Variants in STAT5B observed in about 807,000 individuals in gnomAD.
The protein encoded by STAT5B is signal transducer and activator of transcription 5B, also known as transcription factor STAT5B.
Under a neutral mutation model 107.8 loss-of-function variants are expected in STAT5B, and 21 were observed. The observed-to-expected ratio is 0.19, with a 90% CI of 0.14 to 0.28. STAT5B has a LOEUF of 0.28. STAT5B is among the 10% of genes least tolerant of loss of function. The probability of loss-of-function intolerance (pLI) is 1.00; values close to 1 mark genes in which losing one functional copy is unlikely to be tolerated. For missense variants in STAT5B, 565 were observed against 1,008.2 expected (o/e 0.56, Z 5.95); for synonymous variants, 325 against 401.7 (o/e 0.81, Z 2.28).
At chr17:42,267,255 T>TA (rs1245508848) in intron 1 of STAT5B, among the ~76,000 whole-genome samples, 1 of 152,220 alleles carries the variant, frequency 6.6e-6, no homozygotes, top group African/African-American at 2.4e-5. Flanking sequence ...CCATACTTTT[T>TA]ATCGTTATTT....
intron 1 of STAT5B, among the ~76,000 whole-genome samples, chr17:42,248,043 C>T (rs1044319443): frequency 4.6e-5 from 7 of 151,538 alleles, no homozygotes; most frequent in Admixed American, 2.0e-4. Flanking sequence ...TCTGGGAGGC[C>T]GAGATGGGAA....
At chr17:42,277,819 G>A (rs1479131807), upstream of STAT5B, among the ~76,000 whole-genome samples, 2 of 150,188 alleles carry the variant, frequency 1.3e-5, no homozygotes, top group Non-Finnish European at 1.5e-5. Flanking sequence ...GAAATGGTGC[G>A]GTCTCAGCTC....
chr17:42,276,581 C>T (rs2080769100), upstream of STAT5B: 1 of 151,606 alleles, frequency 6.6e-6, no homozygotes, highest in Admixed American at 6.6e-5. The surrounding 1 kb of genome is among the most constrained non-coding windows in gnomAD (Gnocchi z 4.8). Flanking sequence ...TCGGCACACC[C>T]GAGGTGGCGG....
chr17:42,216,871 GT>G (rs1403092271), intron 11 of STAT5B, among the ~76,000 whole-genome samples: 1 of 151,912 alleles, frequency 6.6e-6, no homozygotes, highest in Non-Finnish European at 1.5e-5. Flanking sequence ...TAGAGATGGG[GT>G]TTCACTGTGT....
chr17:42,210,347 T>C (rs368084521), intron 14 of STAT5B, 46 bp from the exon 15 acceptor site: 4 of 1,614,088 alleles, frequency 2.5e-6, no homozygotes, highest in South Asian at 2.2e-5. Flanking sequence ...TGACTTACGA[T>C]GCCAGAGAGA....
intron 1 of STAT5B, among the ~76,000 whole-genome samples, chr17:42,265,377 C>CTTCTTTTTTTTTTTTTTTTTTTTTTTTT (rs2080659931): frequency 2.7e-5 from 3 of 110,596 alleles, no homozygotes; most frequent in Non-Finnish European, 1.9e-5. Context: ...ATGTACTCTT[C>CTTCTTTTTTTTTTTTTTTTTTTTTTTTT]TTTTTTTTTT....
At chr17:42,274,649 A>C (rs2080750327) in intron 1 of STAT5B, among the ~76,000 whole-genome samples, 1 of 152,198 alleles carries the variant, frequency 6.6e-6, no homozygotes. Context: ...TCCAATATTT[A>C]CAGTGTTACA....
intron 1 of STAT5B, among the ~76,000 whole-genome samples, chr17:42,262,892 G>GTGTGTATATATA (rs1163550411): frequency 8.8e-6 from 1 of 113,924 alleles, no homozygotes; most frequent in Non-Finnish European, 1.8e-5. Context: ...ACATATATAT[G>GTGTGTATATATA]TGTGTATATA....
At chr17:42,248,101 A>T (rs1054862182) in intron 1 of STAT5B, among the ~76,000 whole-genome samples, 1 of 151,010 alleles carries the variant, frequency 6.6e-6, no homozygotes, top group Non-Finnish European at 1.5e-5. Flanking sequence ...ACATAGTGAG[A>T]CTCCATCTCT....
At chr17:42,225,243 T>C (rs889166383) in intron 3 of STAT5B, among the ~76,000 whole-genome samples, 14 of 151,994 alleles carry the variant, frequency 9.2e-5, no homozygotes, top group African/African-American at 3.4e-4. Context: ...TTAGTAGAGA[T>C]GGGGTTCCAC....
chr17:42,242,599 A>T (rs1598322628), intron 1 of STAT5B, among the ~76,000 whole-genome samples: 3 of 132,198 alleles, frequency 2.3e-5, no homozygotes, highest in Non-Finnish European at 4.9e-5. Context: ...CAATGATCCC[A>T]CCCCCCACCC....
chr17:42,281,288 G>A (rs148753666), upstream of STAT5B, among the ~76,000 whole-genome samples: 25 of 152,164 alleles, frequency 1.6e-4, no homozygotes, highest in East Asian at 3.9e-3. Context: ...GAATCCTTCC[G>A]TGCATTTAAA....
intron 1 of STAT5B, among the ~76,000 whole-genome samples, chr17:42,252,642 C>A (rs2144363927): frequency 6.6e-6 from 1 of 152,242 alleles, no homozygotes; most frequent in Middle Eastern, 3.4e-3. Context: ...TAATCTGAAT[C>A]CTTATTACAG....
At chr17:42,214,874 C>T (rs368387049) in intron 12 of STAT5B, among the ~76,000 whole-genome samples, 6 of 152,264 alleles carry the variant, frequency 3.9e-5, no homozygotes, top group East Asian at 1.9e-4. Context: ...CTCAGCCCCC[C>T]CCAAGTAGCT....
chr17:42,212,130 T>G lies in STAT5B; in HGVS notation c.1534A>C (p.Asn512His). 1 of 1,614,166 alleles carries G rather than the reference T, an allele frequency of 6.2e-7. No individual in the cohort carries two copies. The highest frequency in any genetic ancestry group is 8.5e-7 in the Non-Finnish European group (1 of 1,180,018). ...VLWPQLCEALNMKFKAEVQSN... is the reference protein window; with the variant it reads ...VLWPQLCEALHMKFKAEVQSN... Reference sequence around the variant, plus strand: ...TGCACTTCGGCCTTGAATTTCATGTTGAGCGCCTCACACAGCTGTGGCCAC... The same window carrying G: ...TGCACTTCGGCCTTGAATTTCATGTGGAGCGCCTCACACAGCTGTGGCCAC... The change falls in exon 13 of 19, where the codon AAC (asparagine) becomes CAC (histidine). Residue 512 changes from asparagine (N) to histidine (H), a missense_variant. Asn to His is a moderately conservative substitution (Grantham distance 68, BLOSUM62 1). This residue lies in a region of STAT5B where 127 missense variants were observed against 215.8 expected (regional missense o/e 0.59). Transcript: ENST00000293328.
At chr17:42,244,342 C>T (rs987799341) in intron 1 of STAT5B, among the ~76,000 whole-genome samples, 4 of 151,254 alleles carry the variant, frequency 2.6e-5, no homozygotes, top group African/African-American at 9.7e-5. Context: ...CCTCTTACCT[C>T]GGCCTCCCAA....
Position 42,204,435 on chromosome 17 carries a change from T to C in STAT5B, c.2078-1627A>G, listed in dbSNP as rs376204788. ...ATTATAGGACAAGGAGCTTGTCATT[T>C]AAGTAGCCCAAGAGGGTGAAACGCT... On this transcript the variant is annotated intron_variant, in intron 16 of 18. Coordinates refer to ENST00000293328, the MANE Select transcript of STAT5B (RefSeq NM_012448.4). Among the ~76,000 whole-genome samples the C allele has an allele frequency of 2.2e-4, 34 of 152,338 alleles. No homozygotes were observed. In the East Asian group the frequency reaches 6.2e-3, roughly 28 times the overall value.
chr17:42,201,523 C>T lies in STAT5B; in HGVS notation c.*215G>A, dbSNP rs1261447581. 1.7e-5 allele frequency: 11 copies of T among 628,732 alleles called. No individual in the cohort carries two copies. The highest frequency in any genetic ancestry group is 1.0e-4 in the African/African-American group (5 of 47,964). 38.9% of individuals were successfully genotyped at this position (628,732 alleles called of 1,614,324 possible). ...GGAGAAACACCATAACGTGCAAACA[C>T]GCACACACACACACACACACACACA... is the stretch of plus-strand genomic sequence containing the variant. On this transcript the variant is annotated 3_prime_UTR_variant, in exon 19 of 19. Coordinates refer to ENST00000293328, the MANE Select transcript of STAT5B (RefSeq NM_012448.4).
At chr17:42,284,598 A>G in the STAT5B span, among the ~76,000 whole-genome samples, 1 of 152,202 alleles carries the variant, frequency 6.6e-6, no homozygotes, top group African/African-American at 2.4e-5. Flanking sequence ...CCATAAACTC[A>G]AACCCACCTT....
Sources: gnomAD v4.1 joint callset for allele counts (sites outside exome capture counted in the v4.1 genomes callset) on GRCh38, gnomAD v4.1.1 for gene constraint, gnomAD v4.1.1 regional missense constraint, Gnocchi (gnomAD v3.1) non-coding constraint, MANE v1.5 for transcripts, NCBI Gene and HGNC (gene_info 2026-07-23, HGNC 2026-07-21) for gene names.